SLCO1C1: variants seen among roughly 807,000 people sequenced by gnomAD.
SLCO1C1 encodes solute carrier organic anion transporter family member 1C1.
Under a neutral mutation model 76.4 loss-of-function variants are expected in SLCO1C1, and 70 were observed. The observed-to-expected ratio is 0.92, with a 90% confidence interval of 0.76 to 1.12. The LOEUF (loss-of-function observed/expected upper bound fraction) is 1.12. SLCO1C1 is among the 50% of genes most tolerant of loss of function. SLCO1C1 has a pLI of 0.00. For missense variants in SLCO1C1, 912 were observed against 823.8 expected (o/e 1.11, Z -1.31); for synonymous variants, 306 against 286.1 (o/e 1.07, Z -0.70).
chr12:20,738,685 T>C (rs990952978), intron 11 of SLCO1C1, among the ~76,000 whole-genome samples: 1 of 152,140 alleles, frequency 6.6e-6, no homozygotes, highest in Non-Finnish European at 1.5e-5. Context: ...TGCATGAAGG[T>C]TTTTTTGTAA....
chr12:20,699,853 G>C (rs1236559411), intron 2 of SLCO1C1, 148 bp downstream of exon 2: 1 of 900,356 alleles, frequency 1.1e-6, no homozygotes, highest in East Asian at 3.1e-5. Flanking sequence ...CACCTTGCCA[G>C]GCGGTGCAAG....
intron 12 of SLCO1C1, among the ~76,000 whole-genome samples, chr12:20,741,044 A>G (rs953797136): frequency 1.3e-5 from 2 of 151,812 alleles, no homozygotes; most frequent in African/African-American, 4.8e-5. Context: ...ATAGTGGGGG[A>G]AGAGGAAACA....
At chr12:20,733,460 C>T (rs947799715) in intron 10 of SLCO1C1, among the ~76,000 whole-genome samples, 1 of 152,136 alleles carries the variant, frequency 6.6e-6, no homozygotes, top group Non-Finnish European at 1.5e-5. Context: ...CTTCAATTTT[C>T]CCATCTTAAA....
At chr12:20,741,652 T>A (rs1349751647) in intron 12 of SLCO1C1, among the ~76,000 whole-genome samples, 3 of 152,144 alleles carry the variant, frequency 2.0e-5, no homozygotes, top group Non-Finnish European at 2.9e-5. Flanking sequence ...GTGCTCGAAT[T>A]TTTTTTACTG....
At chr12:20,711,563 T>C in intron 5 of SLCO1C1, 53 bp downstream of exon 5, 1 of 1,584,282 alleles carries the variant, frequency 6.3e-7, no homozygotes, top group African/African-American at 1.4e-5. Flanking sequence ...AAAGACTTTA[T>C]ATGTGCTTTA....
chr12:20,745,622 C>T lies in SLCO1C1; in HGVS notation c.1798+2253C>T, dbSNP rs778633129. Among the ~76,000 whole-genome samples the T allele has an allele frequency of 9.9e-4, 151 of 151,954 alleles. 2 individuals carry two copies. Among genetic ancestry groups the T allele is most frequent in the Non-Finnish European group, 1.3e-3 (89 of 67,956 alleles). On this transcript the variant is annotated intron_variant, in intron 13 of 14. Coordinates refer to ENST00000266509, the MANE Select transcript of SLCO1C1 (RefSeq NM_017435.5). ...GGTGGATCAACTGAGGTCAGGAGTC[C>T]GAGACCAGCCTGCCCAACATGGTGA...
At chr12:20,743,260 T>A (rs778758055) in intron 12 of SLCO1C1, 45 bp from the exon 13 acceptor site, 2 of 1,547,820 alleles carry the variant, frequency 1.3e-6, no homozygotes, top group Non-Finnish European at 1.8e-6. Context: ...CTATTTGCTT[T>A]AATGGATTAT....
intron 3 of SLCO1C1, among the ~76,000 whole-genome samples, chr12:20,702,956 A>G (rs753767018): frequency 1.6e-4 from 25 of 151,888 alleles, no homozygotes; most frequent in Non-Finnish European, 2.9e-4. Context: ...GACAAAGTTT[A>G]TATTTGATAG....
chr12:20,721,109 C>G (rs2120748332), intron 7 of SLCO1C1, among the ~76,000 whole-genome samples: 1 of 150,060 alleles, frequency 6.7e-6, no homozygotes, highest in South Asian at 2.1e-4. Context: ...ATGCTGTGAA[C>G]ATTACTGAAA....
At chr12:20,725,297 ATATAT>A (rs1170404466) in intron 9 of SLCO1C1, among the ~76,000 whole-genome samples, 8 of 142,616 alleles carry the variant, frequency 5.6e-5, no homozygotes, top group South Asian at 2.1e-4. Flanking sequence ...ATTATTTATA[ATATAT>A]TATAGCATAT....
At chr12:20,721,402 GC>G (rs1947663591) in intron 7 of SLCO1C1, among the ~76,000 whole-genome samples, 1 of 152,118 alleles carries the variant, frequency 6.6e-6, no homozygotes, top group Non-Finnish European at 1.5e-5. Context: ...TCCTGTACCA[GC>G]AAAAAGATCA....
chr12:20,719,916 T>C (rs1947573519), intron 7 of SLCO1C1, among the ~76,000 whole-genome samples: 1 of 152,206 alleles, frequency 6.6e-6, no homozygotes, highest in Non-Finnish European at 1.5e-5. Flanking sequence ...AATAGTCTTC[T>C]ATTGGAAGAA....
intron 10 of SLCO1C1, 103 bp downstream of exon 10, chr12:20,733,207 A>G (rs1413802949): frequency 7.3e-6 from 8 of 1,101,730 alleles, no homozygotes; most frequent in African/African-American, 1.6e-5. Flanking sequence ...CATCATAACT[A>G]TGGTAAGCAA....
At chr12:20,721,102 C>T (rs1326823016) in intron 7 of SLCO1C1, among the ~76,000 whole-genome samples, 1 of 151,208 alleles carries the variant, frequency 6.6e-6, no homozygotes, top group Non-Finnish European at 1.5e-5. Flanking sequence ...GATGAAGATG[C>T]TGTGAACATT....
At position 20,737,286 on chromosome 12, in the gene SLCO1C1, T is replaced by A; in HGVS notation, c.1548+14T>A. ...GGAAAAAATATTGTAAGAAATCACC[T>A]CTCAAGTATATGGCGATGGTCCTGT... On this transcript the variant is annotated intron_variant, in intron 11 of 14. Coordinates refer to ENST00000266509, the MANE Select transcript of SLCO1C1 (RefSeq NM_017435.5). 1 of 1,550,938 alleles carries A rather than the reference T, an allele frequency of 6.4e-7. No individual in the cohort carries two copies. The highest frequency in any genetic ancestry group is 8.6e-7 in the Non-Finnish European group (1 of 1,157,990).
intron 13 of SLCO1C1, among the ~76,000 whole-genome samples, chr12:20,748,275 A>C (rs548191827): frequency 6.6e-6 from 1 of 152,314 alleles, no homozygotes; most frequent in Non-Finnish European, 1.5e-5. Context: ...AAAAAATTTA[A>C]ATTACAATGA....
intron 9 of SLCO1C1, among the ~76,000 whole-genome samples, chr12:20,724,184 A>C (rs1248986153): frequency 6.6e-6 from 1 of 151,706 alleles, no homozygotes; most frequent in Non-Finnish European, 1.5e-5. Flanking sequence ...TTATTGGCTG[A>C]CCTAAAGAAA....
At chr12:20,717,084 G>A (rs750237420) in intron 6 of SLCO1C1, 48 bp from the exon 7 acceptor site, 2 of 1,492,396 alleles carry the variant, frequency 1.3e-6, no homozygotes, top group Non-Finnish European at 1.8e-6. Flanking sequence ...ATTTATCAAA[G>A]TAAAGAAATG....
At chr12:20,713,176 T>C (rs1328805451) in intron 5 of SLCO1C1, among the ~76,000 whole-genome samples, 2 of 148,488 alleles carry the variant, frequency 1.3e-5, no homozygotes, top group Admixed American at 6.8e-5. Context: ...GCCTCCCGGG[T>C]TCACGCCATT....
Sources: gnomAD v4.1 joint callset for allele counts (sites outside exome capture counted in the v4.1 genomes callset) on GRCh38, gnomAD v4.1.1 for gene constraint, MANE v1.5 for transcripts, NCBI Gene and HGNC (gene_info 2026-07-23, HGNC 2026-07-21) for gene names.